Variants in RABGAP1L observed in about 807,000 individuals in gnomAD.
RABGAP1L encodes rab GTPase-activating protein 1-like.
A neutral mutation model predicts 137.7 loss-of-function variants in RABGAP1L; 63 were observed. The ratio of observed to expected loss-of-function variants is 0.46; its 90% confidence interval spans 0.37 to 0.56. The LOEUF is 0.56. RABGAP1L is among the 20% of genes least tolerant of loss of function. RABGAP1L has a pLI of 0.00. For synonymous variants in RABGAP1L, 431 were observed against 433.7 expected (o/e 0.99, Z 0.08); for missense variants, 1,095 against 1,244.0 (o/e 0.88, Z 1.80).
At chr1:174,755,798 A>G (rs1278519830) in intron 18 of RABGAP1L, among the ~76,000 whole-genome samples, 1 of 152,198 alleles carries the variant, frequency 6.6e-6, no homozygotes, top group Non-Finnish European at 1.5e-5. Context: ...GGATGCACAT[A>G]AATTTATTTT....
intron 14 of RABGAP1L, among the ~76,000 whole-genome samples, chr1:174,645,280 C>G (rs1363300760): frequency 6.6e-6 from 1 of 151,754 alleles, no homozygotes; most frequent in African/African-American, 2.4e-5. Flanking sequence ...GATATGTGTG[C>G]AGAGCATGCA....
chr1:174,332,431 G>C (rs182558840), intron 11 of RABGAP1L, among the ~76,000 whole-genome samples: 108 of 151,706 alleles, frequency 7.1e-4, no homozygotes, highest in African/African-American at 2.5e-3. Flanking sequence ...GAGTCTCACT[G>C]TGTTGCCAAG....
At chr1:174,368,950 T>G (rs1684869775) in intron 11 of RABGAP1L, among the ~76,000 whole-genome samples, 1 of 152,196 alleles carries the variant, frequency 6.6e-6, no homozygotes, top group Non-Finnish European at 1.5e-5. Flanking sequence ...TTCTCTTTTT[T>G]GTTTTCATTG....
chr1:174,488,282 G>C (rs1222606336), intron 13 of RABGAP1L, among the ~76,000 whole-genome samples: 2 of 151,398 alleles, frequency 1.3e-5, no homozygotes, highest in Non-Finnish European at 2.9e-5. Flanking sequence ...ATGTTTGAAG[G>C]ATATTTTCAC....
intron 13 of RABGAP1L, among the ~76,000 whole-genome samples, chr1:174,541,698 C>A (rs1014389379): frequency 6.6e-6 from 1 of 152,094 alleles, no homozygotes. Context: ...ATGGCATGAA[C>A]CCGGGAGGCG....
intron 19 of RABGAP1L, among the ~76,000 whole-genome samples, chr1:174,904,894 C>T (rs1219778638): frequency 6.6e-6 from 1 of 152,168 alleles, no homozygotes; most frequent in Non-Finnish European, 1.5e-5. Context: ...ACAAGGTATC[C>T]TCCTACCTCA....
chr1:174,568,877 T>A (rs1378028197), intron 13 of RABGAP1L, among the ~76,000 whole-genome samples: 2 of 152,166 alleles, frequency 1.3e-5, no homozygotes, highest in Non-Finnish European at 2.9e-5. Flanking sequence ...CTTATACAAT[T>A]TTTAACAGTT....
chr1:174,216,768 T>C (rs1050056577), intron 1 of RABGAP1L, among the ~76,000 whole-genome samples: 1 of 152,160 alleles, frequency 6.6e-6, no homozygotes, highest in African/African-American at 2.4e-5. Flanking sequence ...TTGGAACTTG[T>C]GTGATTAAGG....
chr1:174,491,929 C>T (rs2149354893), intron 13 of RABGAP1L, among the ~76,000 whole-genome samples: 2 of 152,314 alleles, frequency 1.3e-5, no homozygotes, highest in South Asian at 4.1e-4. Context: ...ACAGATTCTT[C>T]TTGCCATGCA....
rs547198541 is a variant in RABGAP1L at position 174,207,749 on chromosome 1, C to G, written c.-33-11376C>G. Among the ~76,000 whole-genome samples, 6 of 152,184 alleles carry G rather than the reference C, an allele frequency of 3.9e-5. No individual in the cohort carries two copies. The South Asian group carries it at 1.2e-3, about 32-fold the overall frequency. On this transcript the variant is annotated intron_variant, in intron 1 of 25. Coordinates refer to ENST00000681986, the MANE Select transcript of RABGAP1L (RefSeq NM_001366446.1). ...GTGCAGATAGGTCTTTTTTAGAAGG[C>G]TATTAATTATTGTTGATTCAGTTTC...
chr1:174,549,921 A>T (rs1469276255), intron 13 of RABGAP1L, among the ~76,000 whole-genome samples: 1 of 152,152 alleles, frequency 6.6e-6, no homozygotes, highest in African/African-American at 2.4e-5. Flanking sequence ...AGATCCAGCT[A>T]CTTGGGGGGC....
At chr1:174,553,631 A>G (rs1227564550) in intron 13 of RABGAP1L, among the ~76,000 whole-genome samples, 3 of 152,252 alleles carry the variant, frequency 2.0e-5, no homozygotes, top group Non-Finnish European at 4.4e-5. Flanking sequence ...AAATAAAACT[A>G]TAGACCATTA....
intron 1 of RABGAP1L, among the ~76,000 whole-genome samples, chr1:174,176,664 A>G (rs146074594): frequency 3.0e-4 from 40 of 133,980 alleles, no homozygotes; most frequent in African/African-American, 1.1e-3. Context: ...GTGAGCTGAC[A>G]TGGCACCACT....
intron 13 of RABGAP1L, among the ~76,000 whole-genome samples, chr1:174,503,979 CTT>C (rs201333632): frequency 1.4e-5 from 2 of 142,362 alleles, no homozygotes; most frequent in Non-Finnish European, 1.5e-5. Context: ...TTTTTCTTTT[CTT>C]TTTTTTTTTG....
chr1:174,860,691 G>T (rs1412172299), intron 19 of RABGAP1L, among the ~76,000 whole-genome samples: 1 of 151,826 alleles, frequency 6.6e-6, no homozygotes, highest in Admixed American at 6.6e-5. Flanking sequence ...TTTACTTATT[G>T]AATTGATATA....
intron 13 of RABGAP1L, among the ~76,000 whole-genome samples, chr1:174,486,311 C>G (rs1362199622): frequency 1.0e-5 from 1 of 98,832 alleles, no homozygotes; most frequent in Non-Finnish European, 2.2e-5. Flanking sequence ...ATCTTTTATT[C>G]TGTTTTCTTC....
At chr1:174,552,405 T>C (rs992165288) in intron 13 of RABGAP1L, among the ~76,000 whole-genome samples, 4 of 152,166 alleles carry the variant, frequency 2.6e-5, no homozygotes, top group South Asian at 2.1e-4. Context: ...CTCCCACTTA[T>C]AAGTGAGAAC....
chr1:174,172,176 TTGTG>T (rs34345014), intron 1 of RABGAP1L, among the ~76,000 whole-genome samples: 13,440 of 123,430 alleles, frequency 0.11, 896 homozygotes, highest in South Asian at 0.18. Context: ...TAATATTCCC[TTGTG>T]TGTGTGTGTG....
intron 19 of RABGAP1L, among the ~76,000 whole-genome samples, chr1:174,904,232 T>TGTG (rs1173551762): frequency 2.6e-5 from 4 of 152,096 alleles, no homozygotes; most frequent in African/African-American, 9.6e-5. Flanking sequence ...TGAGGCCAGG[T>TGTG]GTGGTGGCTC....
Sources: gnomAD v4.1 joint callset for allele counts (sites outside exome capture counted in the v4.1 genomes callset) on GRCh38, gnomAD v4.1.1 for gene constraint, MANE v1.5 for transcripts, NCBI Gene and HGNC (gene_info 2026-07-23, HGNC 2026-07-21) for gene names.